FRYL: variants seen among roughly 807,000 people sequenced by gnomAD.
The protein encoded by FRYL is FRY like transcription coactivator.
FRYL carries 150 observed loss-of-function variants against 351.2 expected under a neutral mutation model. That is an observed-to-expected ratio of 0.43 (90% CI 0.37 to 0.49). The LOEUF (loss-of-function observed/expected upper bound fraction) is 0.49. Among genes scored for constraint, FRYL ranks in the 20% least tolerant of loss-of-function variants. FRYL has a pLI of 0.00. For missense variants in FRYL, 3,036 were observed against 3,619.3 expected (o/e 0.84, Z 4.13); for synonymous variants, 1,153 against 1,257.1 (o/e 0.92, Z 1.75).
chr4:48,560,704 C>G (rs1431998223), intron 33 of FRYL, among the ~76,000 whole-genome samples: 3 of 152,120 alleles, frequency 2.0e-5, no homozygotes, highest in East Asian at 3.9e-4. Flanking sequence ...GGCATTGCTA[C>G]CAACTACCAG....
At chr4:48,525,604 T>C (rs554484672) in intron 53 of FRYL, among the ~76,000 whole-genome samples, 1 of 152,326 alleles carries the variant, frequency 6.6e-6, no homozygotes, top group South Asian at 2.1e-4. Context: ...TGAATGTGTA[T>C]AAGCTGTATA....
intron 2 of FRYL, among the ~76,000 whole-genome samples, chr4:48,706,303 T>A (rs1767339029): frequency 6.6e-6 from 1 of 152,194 alleles, no homozygotes; most frequent in Non-Finnish European, 1.5e-5. Flanking sequence ...GGAATATTAT[T>A]CAGCCTTAAA....
intron 1 of FRYL, among the ~76,000 whole-genome samples, chr4:48,763,933 A>T (rs1262910347): frequency 1.3e-5 from 2 of 152,122 alleles, no homozygotes; most frequent in Non-Finnish European, 2.9e-5. Flanking sequence ...CTTCGGGAGT[A>T]TGAGGCGGGC....
intron 3 of FRYL, among the ~76,000 whole-genome samples, chr4:48,652,929 T>C (rs1182113095): frequency 6.6e-6 from 1 of 152,214 alleles, no homozygotes; most frequent in Non-Finnish European, 1.5e-5. Flanking sequence ...CAATTTTCTT[T>C]GACCAAAACA....
intron 1 of FRYL, among the ~76,000 whole-genome samples, chr4:48,742,281 A>T (rs1772177358): frequency 6.6e-6 from 1 of 152,238 alleles, no homozygotes; most frequent in Admixed American, 6.5e-5. Flanking sequence ...GTTTTACTTA[A>T]CACAATTTGG....
At chr4:48,772,878 T>C (rs777473210) in intron 1 of FRYL, among the ~76,000 whole-genome samples, 10 of 152,160 alleles carry the variant, frequency 6.6e-5, no homozygotes, top group Non-Finnish European at 1.5e-4. Flanking sequence ...AACAACACTT[T>C]TAACCTTTCT....
At chr4:48,636,296 T>G (rs1754226802) in intron 3 of FRYL, among the ~76,000 whole-genome samples, 1 of 152,096 alleles carries the variant, frequency 6.6e-6, no homozygotes, top group African/African-American at 2.4e-5. Flanking sequence ...TTTTGGAACA[T>G]TAAGAGTACC....
At chr4:48,596,897 T>C (rs1166545932) in intron 13 of FRYL, among the ~76,000 whole-genome samples, 3 of 151,950 alleles carry the variant, frequency 2.0e-5, no homozygotes, top group Non-Finnish European at 4.4e-5. Context: ...CATCCGTTGA[T>C]TAGTTTTAGG....
intron 31 of FRYL, among the ~76,000 whole-genome samples, chr4:48,563,407 C>T (rs1287419183): frequency 9.9e-5 from 15 of 151,942 alleles, no homozygotes; most frequent in Admixed American, 9.8e-4. Flanking sequence ...TACAGTCAAC[C>T]CTCTGTGGAT....
chr4:48,761,466 C>G (rs1473989343), intron 1 of FRYL, among the ~76,000 whole-genome samples: 1 of 152,128 alleles, frequency 6.6e-6, no homozygotes, highest in Non-Finnish European at 1.5e-5. Flanking sequence ...CTGATATAAA[C>G]AAATCTCTGC....
chr4:48,564,264 G>GA (rs1196395739), intron 30 of FRYL, among the ~76,000 whole-genome samples, 162 bp from the exon 31 acceptor site: 70 of 152,254 alleles, frequency 4.6e-4, no homozygotes, highest in African/African-American at 1.5e-3. Flanking sequence ...TCAGCCAGCA[G>GA]AAAAAACCAC....
intron 1 of FRYL, among the ~76,000 whole-genome samples, chr4:48,742,165 C>A (rs1046845519): frequency 1.3e-5 from 2 of 152,186 alleles, no homozygotes; most frequent in African/African-American, 4.8e-5. Flanking sequence ...TTGCTGTGAA[C>A]CTGAAACTAC....
At chr4:48,560,053 T>C (rs1300960102) in intron 33 of FRYL, among the ~76,000 whole-genome samples, 1 of 151,818 alleles carries the variant, frequency 6.6e-6, no homozygotes, top group Non-Finnish European at 1.5e-5. Context: ...ATAGTGAGTG[T>C]ATATACTCGA....
intron 40 of FRYL, 60 bp downstream of exon 40, chr4:48,548,630 A>G (rs892199965): frequency 1.3e-5 from 12 of 939,870 alleles, no homozygotes; most frequent in Non-Finnish European, 1.7e-6. Flanking sequence ...ATAAAACCAT[A>G]CTGCTTTTAA....
chr4:48,564,296 T>C (rs1736227972), intron 30 of FRYL, among the ~76,000 whole-genome samples, 194 bp from the exon 31 acceptor site: 1 of 152,196 alleles, frequency 6.6e-6, no homozygotes, highest in Non-Finnish European at 1.5e-5. Flanking sequence ...GAATTTGGCC[T>C]CTCGCTTTTT....
At chr4:48,504,072 C>T (rs1287504876) in intron 60 of FRYL, among the ~76,000 whole-genome samples, 2 of 151,998 alleles carry the variant, frequency 1.3e-5, no homozygotes, top group African/African-American at 2.4e-5. Context: ...TCTGAATTAC[C>T]AGCAATTACT....
chr4:48,505,806 A>G, intron 59 of FRYL, 191 bp from the exon 60 acceptor site: 1 of 503,862 alleles, frequency 2.0e-6, no homozygotes, highest in Non-Finnish European at 3.5e-6. Context: ...GCATTAATGT[A>G]ACAAGAGGCA....
intron 3 of FRYL, chr4:48,653,598 T>C: frequency 1.8e-6 from 1 of 558,562 alleles, no homozygotes; most frequent in South Asian, 2.0e-5. Context: ...ATATTCTTCA[T>C]GCTATTTTCA....
rs1577779109 is a variant in FRYL, at chr4:48,497,384, AT to A, written c.*2037del. The A allele has an allele frequency of 6.6e-6, 1 of 152,372 alleles. No individual in the cohort carries two copies. The highest frequency in any genetic ancestry group is 2.4e-5 in the African/African-American group (1 of 41,460). 9.4% of individuals were successfully genotyped at this position (152,372 alleles called of 1,614,324 possible). On this transcript the variant is annotated 3_prime_UTR_variant, in exon 64 of 64. Coordinates refer to ENST00000358350, the MANE Select transcript of FRYL (RefSeq NM_015030.2). ...GCTTGCTGCAGGTATATTCATTTTT[AT>A]TATATTAATAGACTTAGTTACATAT...
Sources: allele counts gnomAD v4.1 joint callset (sites outside exome capture counted in the v4.1 genomes callset), GRCh38; gene constraint gnomAD v4.1.1; transcripts MANE v1.5; gene names NCBI Gene and HGNC (gene_info 2026-07-23, HGNC 2026-07-21).